The following POU2F1 variants were observed in gnomAD, a reference collection of about 807,000 sequenced individuals.
The protein encoded by POU2F1 is POU domain, class 2, transcription factor 1.
Under a neutral mutation model 84.9 loss-of-function variants are expected in POU2F1, and 16 were observed. The ratio of observed to expected loss-of-function variants is 0.19; its 90% CI spans 0.13 to 0.29. POU2F1 has a LOEUF of 0.29. POU2F1 is among the 10% of genes least tolerant of loss of function. The pLI, the probability that POU2F1 is intolerant of heterozygous loss-of-function variation, is 1.00. For missense variants in POU2F1, 738 were observed against 942.6 expected (o/e 0.78, Z 2.84); for synonymous variants, 368 against 368.3 (o/e 1.00, Z 0.01).
At chr1:167,329,319 A>G in intron 1 of POU2F1, 1 of 1,547,888 alleles carries the variant, frequency 6.5e-7, no homozygotes, top group Middle Eastern at 1.7e-4. Context: ...GGGTACCAGC[A>G]CAGTTCTTTT....
chr1:167,374,490 T>C (rs1159228003), intron 6 of POU2F1, among the ~76,000 whole-genome samples, 194 bp downstream of exon 6: 2 of 152,238 alleles, frequency 1.3e-5, no homozygotes, highest in African/African-American at 4.8e-5. Flanking sequence ...GTAGTTGATA[T>C]TGTAAACATA....
At position 167,422,211 on chromosome 1, in the gene POU2F1, C is replaced by T. The variant is rs1011070044; in HGVS notation, c.*6401C>T. 3.3e-5 allele frequency: 5 copies of T among 152,176 alleles called. No individual in the cohort carries two copies. The highest frequency in any genetic ancestry group is 7.3e-5 in the Non-Finnish European group (5 of 68,046). The allele number at this position is 152,176 out of a possible 1,614,324, so 9.4% of individuals were successfully genotyped here. The stretch of plus-strand genomic sequence containing the variant: ...CCTCTGTACATAGCAAAAGCATAGG[C>T]AAAGGATGAATGCGTGAATGCCTGG... On this transcript the variant is annotated 3_prime_UTR_variant, in exon 16 of 16. Transcript: ENST00000367866.
intron 1 of POU2F1, 43 bp from the exon 2 acceptor site, chr1:167,332,427 C>T: frequency 2.0e-6 from 3 of 1,499,912 alleles, no homozygotes; most frequent in South Asian, 1.1e-5. Context: ...CCATCTCCAT[C>T]CCCAGTTTTT....
chr1:167,244,192 AAAGG>A (rs1279445035), intron 1 of POU2F1, among the ~76,000 whole-genome samples: 1 of 152,242 alleles, frequency 6.6e-6, no homozygotes, highest in African/African-American at 2.4e-5. Context: ...GATAGCATGT[AAAGG>A]AAGAAGGAGA....
chr1:167,341,057 TG>T (rs1657816931), intron 2 of POU2F1, among the ~76,000 whole-genome samples: 1 of 152,122 alleles, frequency 6.6e-6, no homozygotes, highest in Non-Finnish European at 1.5e-5. Context: ...AAAGCTGAGA[TG>T]GGGGAAGAAA....
intron 1 of POU2F1, among the ~76,000 whole-genome samples, chr1:167,277,447 G>C (rs1652809091): frequency 6.7e-6 from 1 of 150,032 alleles, no homozygotes; most frequent in African/African-American, 2.5e-5. Context: ...AATCTGTTCA[G>C]AATGTCTGGG....
At chr1:167,261,896 G>A (rs2102437250) in intron 1 of POU2F1, among the ~76,000 whole-genome samples, 1 of 152,258 alleles carries the variant, frequency 6.6e-6, no homozygotes, top group East Asian at 1.9e-4. Flanking sequence ...TGTTGCCCAG[G>A]CCAGTCTGGA....
At chr1:167,265,237 G>A (rs1247558104) in intron 1 of POU2F1, among the ~76,000 whole-genome samples, 1 of 152,230 alleles carries the variant, frequency 6.6e-6, no homozygotes, top group East Asian at 1.9e-4. Flanking sequence ...TCTGAGTCTA[G>A]ATGAGAGATG....
chr1:167,222,203 T>A (rs1417578640), intron 1 of POU2F1, among the ~76,000 whole-genome samples: 2 of 152,100 alleles, frequency 1.3e-5, no homozygotes, highest in African/African-American at 4.8e-5. Context: ...CGATTTCCTC[T>A]CTCCTGTTGG....
intron 2 of POU2F1, among the ~76,000 whole-genome samples, chr1:167,345,034 G>A (rs909330888): frequency 5.3e-5 from 8 of 152,150 alleles, no homozygotes; most frequent in African/African-American, 1.9e-4. Flanking sequence ...GACACAGGGA[G>A]GGGAACATCA....
intron 1 of POU2F1, among the ~76,000 whole-genome samples, chr1:167,312,138 ATTTTGGTCAGGCTGGTCTTGAAC>A (rs1205253106): frequency 6.6e-6 from 1 of 151,098 alleles, no homozygotes; most frequent in Non-Finnish European, 1.5e-5. Flanking sequence ...GGGTTTCACC[ATTTTGGTCAGGCTGGTCTTGAAC>A]TCCTCACCTT....
intron 1 of POU2F1, among the ~76,000 whole-genome samples, chr1:167,281,356 C>T (rs1653120340): frequency 6.6e-6 from 1 of 152,102 alleles, no homozygotes; most frequent in Non-Finnish European, 1.5e-5. Flanking sequence ...GTGAGACAGT[C>T]TGTTAAGGAG....
chr1:167,381,853 G>A (rs1249781292), intron 7 of POU2F1, among the ~76,000 whole-genome samples: 2 of 149,950 alleles, frequency 1.3e-5, no homozygotes, highest in African/African-American at 4.9e-5. Context: ...CAAGTGATCT[G>A]CCTGCCTCGG....
At chr1:167,265,612 T>C (rs1651886187) in intron 1 of POU2F1, among the ~76,000 whole-genome samples, 1 of 152,198 alleles carries the variant, frequency 6.6e-6, no homozygotes, top group African/African-American at 2.4e-5. Flanking sequence ...CATGCAGTAG[T>C]GAAATGTATA....
intron 15 of POU2F1, chr1:167,414,646 T>C (rs1295132828): frequency 4.1e-6 from 4 of 985,212 alleles, no homozygotes; most frequent in Non-Finnish European, 4.8e-6. Context: ...AACAGCATCA[T>C]AGAAAATTTC....
rs369794396 is a variant in POU2F1, at chr1:167,355,947, A to T, written c.128-9520A>T. On this transcript the variant is annotated intron_variant, in intron 2 of 15. Coordinates refer to ENST00000367866, the MANE Select transcript of POU2F1 (RefSeq NM_002697.4). ...ATTTGGAATATACAAAGACAATTTT[A>T]TTATTATTATTATTTTTTGAGACAG... Among the ~76,000 whole-genome samples the T allele has an allele frequency of 4.6e-5, 7 of 151,768 alleles. No individual in the cohort carries two copies. In the East Asian group the frequency reaches 9.6e-4, roughly 21 times the overall value.
intron 1 of POU2F1, among the ~76,000 whole-genome samples, chr1:167,244,597 T>C (rs1650172484): frequency 6.6e-6 from 1 of 152,184 alleles, no homozygotes. Flanking sequence ...TAGAAGCAAG[T>C]CACTTGGTCC....
chr1:167,221,069 G>GGCGGGGAGATGGGGGA lies in POU2F1; in HGVS notation c.61+126_61+127insAGCGGGGAGATGGGGG, dbSNP rs1394263832. ...AGTACTCAGGATTATTATAATTAAC[G>GGCGGGGAGATGGGGGA]GCGGGGAGATGGGGGGCCGGGGAGC... is the stretch of plus-strand genomic sequence containing the variant. On this transcript the variant is annotated intron_variant, in intron 1 of 15. Transcript: ENST00000367866. The GGCGGGGAGATGGGGGA allele has an allele frequency of 3.9e-5, 41 of 1,038,854 alleles. No homozygotes were observed. In the Admixed American group the frequency reaches 8.7e-4, roughly 22 times the overall value. 64.4% of individuals were successfully genotyped at this position (1,038,854 alleles called of 1,614,324 possible).
rs561140115 is a variant in POU2F1 at position 167,426,262 on chromosome 1, T to C, written c.*10452T>C. 4 of 152,306 alleles carry C rather than the reference T, an allele frequency of 2.6e-5. No homozygotes were observed. Among genetic ancestry groups the C allele is most frequent in the African/African-American group, 9.6e-5 (4 of 41,580 alleles). The allele number at this position is 152,306 out of a possible 1,614,324, so 9.4% of individuals were successfully genotyped here. On this transcript the variant is annotated 3_prime_UTR_variant, in exon 16 of 16. Transcript: ENST00000367866. ...TAAAAAAAAAATGTCGTTTAACTTC[T>C]TGTTTGTTTCAGTGTAATGCTCTTA...
Sources: gnomAD v4.1 joint callset for allele counts (sites outside exome capture counted in the v4.1 genomes callset) on GRCh38, gnomAD v4.1.1 for gene constraint, MANE v1.5 for transcripts, NCBI Gene and HGNC (gene_info 2026-07-23, HGNC 2026-07-21) for gene names.